The following GORASP1 variants were observed in gnomAD, a reference collection of about 807,000 sequenced individuals.
GORASP1 encodes Golgi reassembly-stacking protein 1.
Under a neutral mutation model 37.7 loss-of-function variants are expected in GORASP1, and 31 were observed. The ratio of observed to expected loss-of-function variants is 0.82; its 90% CI spans 0.62 to 1.11. GORASP1 has a LOEUF of 1.11. GORASP1 is among the 50% of genes least tolerant of loss of function. The pLI is 0.00. For missense variants in GORASP1, 476 were observed against 560.7 expected, an observed-to-expected ratio of 0.85 and a Z score of 1.53; for synonymous variants, 204 against 224.8, an observed-to-expected ratio of 0.91 and a Z score of 0.83.
chr3:39,100,421 G>A lies in GORASP1; in HGVS notation c.649C>T (p.Pro217Ser), dbSNP rs1473166035. The change falls in exon 6 of 9, where the codon CCA (proline) becomes TCA (serine). Residue 217 changes from proline (P) to serine (S), a missense_variant. Transcript: ENST00000319283. This position sits in a 1 kb window ranked among gnomAD's most constrained non-coding sequence, Gnocchi z 4.6. The stretch of plus-strand genomic sequence containing the variant: ...CCAAGTGGTAGAGCAGAAGGTGGTG[G>A]GGTGCCAGGTGGCTTCTTGTGGTAG... ...PSYHKKPPGT[P>S]PPSALPLGAP... is the part of the protein sequence containing the mutation. The A allele has an allele frequency of 1.6e-5, 26 of 1,613,056 alleles. No individual in the cohort carries two copies. Among genetic ancestry groups the A allele is most frequent in the Non-Finnish European group, 2.2e-5 (26 of 1,179,412 alleles).
rs762249161 is a variant in GORASP1 at position 39,098,298 on chromosome 3, G to GGCCCTCTGT, written c.1252_1260dup (p.Thr418_Gly420dup). The stretch of plus-strand genomic sequence containing the variant: ...CCCTCAGCCTCCGTCCCAGTATCTA[G>GGCCCTCTGT]GCCCTCTGTGCTTGCTGGTTCCTCC... On this transcript the variant is annotated inframe_insertion, in exon 9 of 9. Transcript: ENST00000319283. The surrounding 1 kb of genome is among the most constrained non-coding windows in gnomAD (Gnocchi z 4.7). 1.9e-6 allele frequency: 3 copies of GGCCCTCTGT among 1,614,162 alleles called. No individual in the cohort carries two copies. The highest frequency in any genetic ancestry group is 1.7e-6 in the Non-Finnish European group (2 of 1,180,024).
intron 6 of GORASP1, among the ~76,000 whole-genome samples, chr3:39,099,815 G>A (rs980836270): frequency 1.3e-5 from 2 of 152,120 alleles, no homozygotes; most frequent in Non-Finnish European, 2.9e-5. Context: ...TAGAAGAGAG[G>A]GGCTTCCTTG....
At chr3:39,107,451 G>A in intron 1 of GORASP1, 28 bp downstream of exon 1, 1 of 1,312,176 alleles carries the variant, frequency 7.6e-7, no homozygotes, top group Non-Finnish European at 9.7e-7. Context: ...GCCTCGCCAA[G>A]GTCACCGGCG....
Position 39,098,911 on chromosome 3 carries a change from A to G in GORASP1, c.917-18T>C, listed in dbSNP as rs761157028. On this transcript the variant is annotated intron_variant, in intron 7 of 8. Coordinates refer to ENST00000319283, the MANE Select transcript of GORASP1 (RefSeq NM_031899.4). The surrounding 1 kb of genome is among the most constrained non-coding windows in gnomAD (Gnocchi z 4.7). The stretch of plus-strand genomic sequence containing the variant: ...CAGGAAGCCTAGGGGAGGGTGGTGC[A>G]GTTCTTTGCCAGCAAGAAACCCTGA... 5.0e-6 allele frequency: 8 copies of G among 1,612,982 alleles called. No homozygotes were observed. The Admixed American group carries it at 1.2e-4, about 24-fold the overall frequency.
rs1047658165 is a variant in GORASP1, at chr3:39,099,642, A to C, written c.766-139T>G. On this transcript the variant is annotated intron_variant, in intron 6 of 8. Transcript: ENST00000319283. ...CTAAAGGAAGGAAATGGCCTTAATA[A>C]ACCACCCCTTCTTCTATTGGTGATA... The C allele has an allele frequency of 6.5e-6, 6 of 922,430 alleles. No individual in the cohort carries two copies. In the African/African-American group the frequency reaches 8.5e-5, roughly 13 times the overall value. 57.1% of individuals were successfully genotyped at this position (922,430 alleles called of 1,614,324 possible).
rs1233588390 is a variant in GORASP1 at position 39,102,345 on chromosome 3, A to G, written c.348+333T>C. 1 of 448,958 alleles carries G rather than the reference A, an allele frequency of 2.2e-6. No individual in the cohort carries two copies. 27.8% of individuals were successfully genotyped at this position (448,958 alleles called of 1,614,324 possible). ...GCAACACACACACGGAGAGACACAG[A>G]GAATAATAAAAGCAGCAGCATTCCA... On this transcript the variant is annotated intron_variant, in intron 3 of 8. Transcript: ENST00000319283. The surrounding 1 kb of genome is among the most constrained non-coding windows in gnomAD (Gnocchi z 5.0).
At chr3:39,106,411 T>C (rs892281110) in intron 1 of GORASP1, among the ~76,000 whole-genome samples, 1 of 152,176 alleles carries the variant, frequency 6.6e-6, no homozygotes, top group Non-Finnish European at 1.5e-5. Context: ...CCTGGCTGGA[T>C]GCATTCCACT....
At position 39,098,872 on chromosome 3, in the gene GORASP1, A is replaced by C. The variant is rs140610726; in HGVS notation, c.938T>G (p.Ile313Ser). ...MDPGFLDVSG[I>S]SLLDNSNASV... Reference sequence around the variant, plus strand: ...GGCATTGCTGTTGTCCAAGAGAGAAATTCCCGACACGTCCAGGAAGCCTAG... The same window carrying C: ...GGCATTGCTGTTGTCCAAGAGAGAACTTCCCGACACGTCCAGGAAGCCTAG... Residue 313 changes from isoleucine (I) to serine (S), a missense_variant, in exon 8 of 9, where the codon ATT (isoleucine) becomes AGT (serine). Ile to Ser is a moderately radical substitution (Grantham distance 142, BLOSUM62 -2). Transcript: ENST00000319283. This position sits in a 1 kb window ranked among gnomAD's most constrained non-coding sequence, Gnocchi z 4.7. 1.9e-6 allele frequency: 3 copies of C among 1,614,062 alleles called. No individual in the cohort carries two copies. The highest frequency in any genetic ancestry group is 2.5e-6 in the Non-Finnish European group (3 of 1,179,982).
chr3:39,101,389 A>G (rs1575458091), intron 3 of GORASP1: 2 of 585,644 alleles, frequency 3.4e-6, no homozygotes, highest in East Asian at 6.7e-5. Context: ...ATATGACTAT[A>G]AACACATTAT....
Position 39,098,025 on chromosome 3 carries a change from C to A in GORASP1, c.*211G>T. On this transcript the variant is annotated 3_prime_UTR_variant, in exon 9 of 9. Transcript: ENST00000319283. This position sits in a 1 kb window ranked among gnomAD's most constrained non-coding sequence, Gnocchi z 4.7. ...GACCCTGCTGCCTCCTGGGAAGCCC[C>A]AGTGACCAGAGCAGGACCAAGCACT... is the stretch of plus-strand genomic sequence containing the variant. 3.4e-6 allele frequency: 2 copies of A among 595,166 alleles called. No individual in the cohort carries two copies. The highest frequency in any genetic ancestry group is 5.9e-6 in the Non-Finnish European group (2 of 337,836). The allele number at this position is 595,166 out of a possible 1,614,324, so 36.9% of individuals were successfully genotyped here.
In GORASP1 at chr3:39,099,383, G is replaced by C; in HGVS notation, c.886C>G (p.Pro296Ala). 2 of 1,613,642 alleles carry C rather than the reference G, an allele frequency of 1.2e-6. No homozygotes were observed. The highest frequency in any genetic ancestry group is 1.7e-6 in the Non-Finnish European group (2 of 1,179,808). The change falls in exon 7 of 9, where the codon CCA (proline) becomes GCA (alanine). Residue 296 changes from proline (P) to alanine (A), a missense_variant. Coordinates refer to ENST00000319283, the MANE Select transcript of GORASP1 (RefSeq NM_031899.4). ...PHFMETPLQP[P>A]PPVQRVMDPG... is the part of the protein sequence containing the mutation. ...TCCATAACTCGCTGCACTGGAGGTG[G>C]GGGCTGAAGAGGAGTCTCCATGAAA...
chr3:39,098,855 T>C lies in GORASP1; in HGVS notation c.955A>G (p.Ser319Gly). Reference protein sequence around the residue: ...DVSGISLLDNSNASVWPSLPS... With the variant: ...DVSGISLLDNGNASVWPSLPS... ...AGGCTGGGCCACACACTGGCATTGC[T>C]GTTGTCCAAGAGAGAAATTCCCGAC... The change falls in exon 8 of 9, where the codon AGC becomes GGC. Residue 319 changes from serine (S) to glycine (G), a missense_variant. Coordinates refer to ENST00000319283, the MANE Select transcript of GORASP1 (RefSeq NM_031899.4). This position sits in a 1 kb window ranked among gnomAD's most constrained non-coding sequence, Gnocchi z 4.7. The C allele has an allele frequency of 6.2e-7, 1 of 1,614,140 alleles. No homozygotes were observed. The highest frequency in any genetic ancestry group is 8.5e-7 in the Non-Finnish European group (1 of 1,180,006).
Position 39,098,667 on chromosome 3 carries a change from T to TGAGG in GORASP1, c.1069+70_1069+73dup. The stretch of plus-strand genomic sequence containing the variant: ...ACCCGATGGCCCACTTCTGCCCAGC[T>TGAGG]GAGGAATTGAGGGCAGCCTTCCCAA... On this transcript the variant is annotated intron_variant, in intron 8 of 8. Transcript: ENST00000319283. This position sits in a 1 kb window ranked among gnomAD's most constrained non-coding sequence, Gnocchi z 4.7. 6.4e-7 allele frequency: 1 copy of TGAGG among 1,564,178 alleles called. No homozygotes were observed. The highest frequency in any genetic ancestry group is 8.7e-7 in the Non-Finnish European group (1 of 1,151,222).
At chr3:39,099,013 C>T (rs1233938413) in intron 7 of GORASP1, 120 bp from the exon 8 acceptor site, 3 of 1,298,308 alleles carry the variant, frequency 2.3e-6, no homozygotes, top group African/African-American at 1.5e-5. Flanking sequence ...TCTCCTCAGC[C>T]CCTGGTGATA....
chr3:39,100,155 C>G lies in GORASP1; in HGVS notation c.765+150G>C. ...GGAAAGCCAAAAGTGAGTTTCACTGCTCCAGGCATGGCCTGCCTGCTCCCA... is the reference window on the plus strand; with the variant it reads ...GGAAAGCCAAAAGTGAGTTTCACTGGTCCAGGCATGGCCTGCCTGCTCCCA... On this transcript the variant is annotated intron_variant, in intron 6 of 8. Transcript: ENST00000319283. This position sits in a 1 kb window ranked among gnomAD's most constrained non-coding sequence, Gnocchi z 4.6. The G allele has an allele frequency of 1.3e-6, 1 of 743,510 alleles. No homozygotes were observed. Among genetic ancestry groups the G allele is most frequent in the Non-Finnish European group, 2.3e-6 (1 of 430,378 alleles). 46.1% of individuals were successfully genotyped at this position (743,510 alleles called of 1,614,324 possible).
Position 39,098,982 on chromosome 3 carries a change from G to C in GORASP1, c.917-89C>G, listed in dbSNP as rs1575451451. The C allele has an allele frequency of 6.5e-7, 1 of 1,527,430 alleles. No individual in the cohort carries two copies. 94.6% of individuals were successfully genotyped at this position (1,527,430 alleles called of 1,614,324 possible). On this transcript the variant is annotated intron_variant, in intron 7 of 8. Transcript: ENST00000319283. The surrounding 1 kb of genome is among the most constrained non-coding windows in gnomAD (Gnocchi z 4.7). Reference sequence around the variant, plus strand: ...GGGCTCACCTTGCCTAGGGCATCTGGCCCAGCCTGTGAGACTGTAATCTCC... The same window carrying C: ...GGGCTCACCTTGCCTAGGGCATCTGCCCCAGCCTGTGAGACTGTAATCTCC...
At position 39,099,481 on chromosome 3, in the gene GORASP1, G is replaced by A; in HGVS notation, c.788C>T (p.Ser263Phe). The A allele has an allele frequency of 3.1e-6, 5 of 1,611,096 alleles. No homozygotes were observed. Among genetic ancestry groups the A allele is most frequent in the Non-Finnish European group, 4.2e-6 (5 of 1,178,812 alleles). ...CCCAGGAAGGGGATCCTCCATGGAG[G>A]AGCCAGGTGCCTGCAGCAGGGCCTA... The part of the protein sequence containing the change: ...YMEALLQAPG[S>F]SMEDPLPGPG... The change falls in exon 7 of 9, where the codon TCC becomes TTC. Residue 263 changes from serine (S) to phenylalanine (F), a missense_variant. Physicochemically the swap from Ser to Phe is radical, Grantham distance 155. Coordinates refer to ENST00000319283, the MANE Select transcript of GORASP1 (RefSeq NM_031899.4).
In GORASP1 at chr3:39,105,149, A is replaced by G. The variant is rs1366474928; in HGVS notation, c.64-1596T>C. On this transcript the variant is annotated intron_variant, in intron 1 of 8. Coordinates refer to ENST00000319283, the MANE Select transcript of GORASP1 (RefSeq NM_031899.4). This position sits in a 1 kb window ranked among gnomAD's most constrained non-coding sequence, Gnocchi z 5.4. ...CTGTGGCTTTGTCCTCTGCTTGGCT[A>G]CACTCCACTTCTCTCACCTGGGGCC... Among the ~76,000 whole-genome samples the G allele has an allele frequency of 3.3e-5, 5 of 151,718 alleles. No individual in the cohort carries two copies. Among genetic ancestry groups the G allele is most frequent in the East Asian group, 1.9e-4 (1 of 5,130 alleles).
Position 39,102,643 on chromosome 3 carries a change from C to A in GORASP1, c.348+35G>T. On this transcript the variant is annotated intron_variant, in intron 3 of 8. Transcript: ENST00000319283. The surrounding 1 kb of genome is among the most constrained non-coding windows in gnomAD (Gnocchi z 5.0). ...GACCTGCCCCAGTAAACTCATCCTT[C>A]CGACACACCCTGCCCTGCCATACCC... 1.2e-6 allele frequency: 2 copies of A among 1,609,852 alleles called. No homozygotes were observed. Among genetic ancestry groups the A allele is most frequent in the Non-Finnish European group, 1.7e-6 (2 of 1,176,650 alleles).
Sources: allele counts gnomAD v4.1 joint callset (sites outside exome capture counted in the v4.1 genomes callset), GRCh38; gene constraint gnomAD v4.1.1; non-coding constraint Gnocchi (gnomAD v3.1); transcripts MANE v1.5; gene names NCBI Gene and HGNC (gene_info 2026-07-23, HGNC 2026-07-21).